The following SPSB1 variants were observed in gnomAD, a reference collection of about 807,000 sequenced individuals.
SPSB1 encodes SPRY domain-containing SOCS box protein 1.
SPSB1 carries 8 observed loss-of-function variants against 21.2 expected under a neutral mutation model. That is an observed-to-expected ratio of 0.38 (90% CI 0.22 to 0.68). The LOEUF is 0.68. Ranked by LOEUF, SPSB1 falls within the 30% of genes least tolerant of loss-of-function variation. The pLI is 0.53. For missense variants in SPSB1, 242 were observed against 377.8 expected (o/e 0.64, Z 2.98); for synonymous variants, 169 against 161.7 (o/e 1.05, Z -0.34).
intron 1 of SPSB1, among the ~76,000 whole-genome samples, chr1:9,329,841 G>A (rs1207930433): frequency 6.6e-6 from 1 of 152,146 alleles, no homozygotes; most frequent in Non-Finnish European, 1.5e-5. Flanking sequence ...AGAAGAGAGC[G>A]TTCTGTGGGT....
At chr1:9,304,915 C>T (rs2100463986) in intron 1 of SPSB1, among the ~76,000 whole-genome samples, 1 of 152,246 alleles carries the variant, frequency 6.6e-6, no homozygotes, top group African/African-American at 2.4e-5. Flanking sequence ...TCAAGCAATC[C>T]TCCCAAAGTG....
At chr1:9,336,695 G>A (rs1020726424) in intron 1 of SPSB1, among the ~76,000 whole-genome samples, 4 of 152,200 alleles carry the variant, frequency 2.6e-5, no homozygotes, top group African/African-American at 9.7e-5. Flanking sequence ...CTCCTGGCCG[G>A]CTCGGGCAGG....
chr1:9,325,234 CCCCG>C lies in SPSB1; in HGVS notation c.-149-30505_-149-30502del, dbSNP rs1186198942. 8.9e-5 allele frequency among the ~76,000 whole-genome samples: 13 copies of C among 146,810 alleles called. 1 individual carries two copies. The highest frequency in any genetic ancestry group is 1.0e-4 in the Non-Finnish European group (7 of 67,814). ...AATGCCTCCCACCACCACCCCCCCC[CCCCG>C]CCCCGCCTCCACCGGTGCAGATGGA... On this transcript the variant is annotated intron_variant, in intron 1 of 2. Transcript: ENST00000328089.
chr1:9,310,822 A>G (rs1450265009), intron 1 of SPSB1, among the ~76,000 whole-genome samples: 2 of 152,140 alleles, frequency 1.3e-5, no homozygotes, highest in Non-Finnish European at 2.9e-5. Flanking sequence ...ATTTGAAGAA[A>G]GTGCTAATGA....
chr1:9,349,973 A>G (rs1188284521), intron 1 of SPSB1, among the ~76,000 whole-genome samples: 1 of 151,900 alleles, frequency 6.6e-6, no homozygotes, highest in African/African-American at 2.4e-5. Context: ...ACGCAGACAC[A>G]GGCAGACACG....
chr1:9,308,486 C>T (rs1639458876), intron 1 of SPSB1, among the ~76,000 whole-genome samples: 1 of 152,232 alleles, frequency 6.6e-6, no homozygotes, highest in South Asian at 2.1e-4. Context: ...CTGGCCCCTT[C>T]CTTGTTGGAG....
intron 1 of SPSB1, among the ~76,000 whole-genome samples, chr1:9,332,534 G>A (rs1639938600): frequency 6.6e-6 from 1 of 152,140 alleles, no homozygotes; most frequent in African/African-American, 2.4e-5. Flanking sequence ...GATATTTGGT[G>A]GACACGTCAG....
At chr1:9,309,998 G>A (rs568883329) in intron 1 of SPSB1, among the ~76,000 whole-genome samples, 5 of 152,280 alleles carry the variant, frequency 3.3e-5, no homozygotes, top group Admixed American at 6.5e-5. Flanking sequence ...GGGTCTGCCC[G>A]AGGTCCTGGG....
At chr1:9,361,151 A>ATTTTTTTTTTTTTTT (rs1640466435) in intron 2 of SPSB1, among the ~76,000 whole-genome samples, 1 of 66,158 alleles carries the variant, frequency 1.5e-5, no homozygotes, top group African/African-American at 7.4e-5. Flanking sequence ...TGGATCTGTC[A>ATTTTTTTTTTTTTTT]TTTTCTTTTT....
At position 9,303,768 on chromosome 1, in the gene SPSB1, T is replaced by C. The variant is rs145661332; in HGVS notation, c.-150+10697T>C. On this transcript the variant is annotated intron_variant, in intron 1 of 2. Transcript: ENST00000328089. ...GGAGATTAAGTATGGTTTAAGGAGA[T>C]GCCAGTGGGTGCCTCTGGGTGCCAG... Among the ~76,000 whole-genome samples, 449 of 152,298 alleles carry C rather than the reference T, an allele frequency of 2.9e-3. 1 individual carries two copies. The highest frequency in any genetic ancestry group is 0.01 in the African/African-American group (433 of 41,556).
At chr1:9,319,413 T>TTCCTCCC (rs894381046) in intron 1 of SPSB1, among the ~76,000 whole-genome samples, 2 of 149,962 alleles carry the variant, frequency 1.3e-5, no homozygotes, top group African/African-American at 5.0e-5. Context: ...TCCCTCCTCC[T>TTCCTCCC]TCCTCCCTCC....
rs1310972160 is a variant in SPSB1 at position 9,348,841 on chromosome 1, C to T, written c.-149-6902C>T. Among the ~76,000 whole-genome samples, 1 of 151,864 alleles carries T rather than the reference C, an allele frequency of 6.6e-6. No individual in the cohort carries two copies. The highest frequency in any genetic ancestry group is 2.4e-5 in the African/African-American group (1 of 41,312). On this transcript the variant is annotated intron_variant, in intron 1 of 2. Coordinates refer to ENST00000328089, the MANE Select transcript of SPSB1 (RefSeq NM_025106.4). The surrounding 1 kb of genome is among the most constrained non-coding windows in gnomAD (Gnocchi z 4.8). ...GCGGCTCTGATGGGTGTTTGGAACC[C>T]CAACCCACCCCGTCCCATGGCTGCT...
At chr1:9,301,606 G>A (rs1639331255) in intron 1 of SPSB1, among the ~76,000 whole-genome samples, 1 of 152,212 alleles carries the variant, frequency 6.6e-6, no homozygotes, top group Non-Finnish European at 1.5e-5. Context: ...TATGTGGGTA[G>A]GATGACCTAG....
chr1:9,350,101 TAC>T lies in SPSB1; in HGVS notation c.-149-5627_-149-5626del, dbSNP rs140319727. ...CAGATACATACACGCCTCACATATCTACACACACACACACACCCCTACCACCC... is the reference window on the plus strand; with the variant it reads ...CAGATACATACACGCCTCACATATCTACACACACACACACCCCTACCACCC... On this transcript the variant is annotated intron_variant, in intron 1 of 2. Transcript: ENST00000328089. 9.9e-5 allele frequency among the ~76,000 whole-genome samples: 15 copies of T among 151,168 alleles called. 1 individual carries two copies. Among genetic ancestry groups the T allele is most frequent in the South Asian group, 2.1e-4 (1 of 4,766 alleles).
Position 9,328,226 on chromosome 1 carries a change from A to C in SPSB1, c.-149-27517A>C, listed in dbSNP as rs185548954. On this transcript the variant is annotated intron_variant, in intron 1 of 2. Transcript: ENST00000328089. ...GGGAGGAGGCAGGGCCTGGCCCATC[A>C]ATGGAATCTTGAAACAGCTGAGCCC... Among the ~76,000 whole-genome samples, 289 of 152,328 alleles carry C rather than the reference A, an allele frequency of 1.9e-3. 2 individuals carry two copies. Among genetic ancestry groups the C allele is most frequent in the Non-Finnish European group, 3.5e-4 (24 of 68,034 alleles).
In SPSB1 at chr1:9,367,230, G is replaced by A. The variant is rs568093440; in HGVS notation, c.695-218G>A. Among the ~76,000 whole-genome samples, 11 of 152,380 alleles carry A rather than the reference G, an allele frequency of 7.2e-5. No homozygotes were observed. The highest frequency in any genetic ancestry group is 2.6e-4 in the African/African-American group (11 of 41,586). ...AGAAACCACTGTGAGGATTAAATGA[G>A]TGTTAGCAGAGGGCTCGCCCAGGTG... is the stretch of plus-strand genomic sequence containing the variant. On this transcript the variant is annotated intron_variant, in intron 2 of 2. Coordinates refer to ENST00000328089, the MANE Select transcript of SPSB1 (RefSeq NM_025106.4). The surrounding 1 kb of genome is among the most constrained non-coding windows in gnomAD (Gnocchi z 5.9).
At position 9,369,182 on chromosome 1, in the gene SPSB1, A is replaced by G. The variant is rs539945213; in HGVS notation, c.*1607A>G. ...TGCCAAGACTGGGTGAGAAATGTAC[A>G]TTACCCCCTTATTATTTTGACGGTT... is the stretch of plus-strand genomic sequence containing the variant. On this transcript the variant is annotated 3_prime_UTR_variant, in exon 3 of 3. Coordinates refer to ENST00000328089, the MANE Select transcript of SPSB1 (RefSeq NM_025106.4). 3.7e-4 allele frequency: 55 copies of G among 149,912 alleles called. No individual in the cohort carries two copies. The highest frequency in any genetic ancestry group is 1.3e-3 in the African/African-American group (53 of 40,362). The allele number at this position is 149,912 out of a possible 1,614,324, so 9.3% of individuals were successfully genotyped here.
At chr1:9,330,583 T>C (rs1275140828) in intron 1 of SPSB1, among the ~76,000 whole-genome samples, 1 of 152,090 alleles carries the variant, frequency 6.6e-6, no homozygotes, top group Non-Finnish European at 1.5e-5. Context: ...GACACACGTA[T>C]CCCTAACTTC....
chr1:9,338,600 G>A (rs1180296505), intron 1 of SPSB1, among the ~76,000 whole-genome samples: 1 of 152,392 alleles, frequency 6.6e-6, no homozygotes, highest in Non-Finnish European at 1.5e-5. Flanking sequence ...AGGACAAGTT[G>A]CCTGGGAACC....
Sources: allele counts gnomAD v4.1 joint callset (sites outside exome capture counted in the v4.1 genomes callset), GRCh38; gene constraint gnomAD v4.1.1; non-coding constraint Gnocchi (gnomAD v3.1); transcripts MANE v1.5; gene names NCBI Gene and HGNC (gene_info 2026-07-23, HGNC 2026-07-21).